Variants in SRSF11 observed in about 807,000 individuals in gnomAD.
SRSF11 encodes serine and arginine rich splicing factor 11.
Under a neutral mutation model 56.0 loss-of-function variants are expected in SRSF11, and 9 were observed. The ratio of observed to expected loss-of-function variants is 0.16; its 90% CI spans 0.10 to 0.28. The LOEUF (loss-of-function observed/expected upper bound fraction) is 0.28, where lower values mean the gene tolerates loss of function less well. Among genes scored for constraint, SRSF11 ranks in the 10% least tolerant of loss-of-function variants. The pLI, the probability that SRSF11 is intolerant of heterozygous loss-of-function variation, is 1.00. For missense variants in SRSF11, 421 were observed against 600.7 expected, an observed-to-expected ratio of 0.70 and a Z score of 3.13; for synonymous variants, 222 against 215.3, an observed-to-expected ratio of 1.03 and a Z score of -0.27.
intron 1 of SRSF11, among the ~76,000 whole-genome samples, chr1:70,210,798 T>G (rs1470723895): frequency 1.3e-5 from 2 of 152,184 alleles, no homozygotes; most frequent in African/African-American, 4.8e-5. Flanking sequence ...GGAAAAATTT[T>G]TTTCCCTCTT....
intron 9 of SRSF11, 155 bp from the exon 10 acceptor site, chr1:70,249,797 C>CA (rs1176539623): frequency 1.5e-6 from 1 of 685,288 alleles, no homozygotes; most frequent in Non-Finnish European, 2.5e-6. Flanking sequence ...TGGGCTCAAG[C>CA]AATCCCCTCA....
intron 1 of SRSF11, among the ~76,000 whole-genome samples, chr1:70,227,246 G>A (rs1380158417): frequency 6.6e-6 from 1 of 152,136 alleles, no homozygotes; most frequent in African/African-American, 2.4e-5. Flanking sequence ...ACAATTTTAT[G>A]TACACATTGG....
At chr1:70,213,285 A>G (rs777705514) in intron 1 of SRSF11, among the ~76,000 whole-genome samples, 5 of 152,212 alleles carry the variant, frequency 3.3e-5, no homozygotes, top group Non-Finnish European at 5.9e-5. Context: ...GTAGATGAGA[A>G]CACACATAGG....
chr1:70,247,570 A>G (rs997441250), intron 9 of SRSF11, among the ~76,000 whole-genome samples: 1 of 152,088 alleles, frequency 6.6e-6, no homozygotes, highest in Non-Finnish European at 1.5e-5. Context: ...GAAATGTATA[A>G]AAGACCTAAA....
At position 70,221,441 on chromosome 1, in the gene SRSF11, C is replaced by A; in HGVS notation, c.-196C>A. On this transcript the variant is annotated 5_prime_UTR_variant, in exon 1 of 12. Transcript: ENST00000370949. ...GTTTTCTCGTGGTCTCGAGCTCGCG[C>A]GCTCTCATCCCCTCCCCCGCGGCGT... 1 of 722,270 alleles carries A rather than the reference C, an allele frequency of 1.4e-6. No homozygotes were observed. Among genetic ancestry groups the A allele is most frequent in the Non-Finnish European group, 2.2e-6 (1 of 450,430 alleles). 44.7% of individuals were successfully genotyped at this position (722,270 alleles called of 1,614,324 possible).
chr1:70,250,886 A>T lies in SRSF11; in HGVS notation c.*81A>T. ...TGATTTCTTAATGCTGTATTTGTTCATCTCAAACCTAGATGTATACAGCTC... is the reference window on the plus strand; with the variant it reads ...TGATTTCTTAATGCTGTATTTGTTCTTCTCAAACCTAGATGTATACAGCTC... On this transcript the variant is annotated 3_prime_UTR_variant, in exon 12 of 12. Coordinates refer to ENST00000370949, the MANE Select transcript of SRSF11 (RefSeq NM_001350605.2). The T allele has an allele frequency of 7.9e-7, 1 of 1,258,024 alleles. No individual in the cohort carries two copies. The highest frequency in any genetic ancestry group is 1.1e-6 in the Non-Finnish European group (1 of 870,344). The allele number at this position is 1,258,024 out of a possible 1,614,324, so 77.9% of individuals were successfully genotyped here.
At chr1:70,243,360 AAAAAAAAAAAAAAC>A (rs1675973089) in intron 7 of SRSF11, among the ~76,000 whole-genome samples, 2 of 141,258 alleles carry the variant, frequency 1.4e-5, no homozygotes, top group South Asian at 2.2e-4. Context: ...AAAAAAAAAA[AAAAAAAAAAAAAAC>A]ACAGTGTGTA....
intron 1 of SRSF11, among the ~76,000 whole-genome samples, chr1:70,227,683 ATCTG>A (rs1476631044): frequency 6.6e-5 from 10 of 152,150 alleles, no homozygotes; most frequent in Non-Finnish European, 1.5e-4. Context: ...TTCCTGTGTT[ATCTG>A]TCTTACTTAC....
intron 1 of SRSF11, among the ~76,000 whole-genome samples, chr1:70,206,307 CTG>C (rs987225282): frequency 3.8e-4 from 58 of 152,254 alleles, no homozygotes; most frequent in African/African-American, 1.4e-3. Flanking sequence ...ACTTTAGAAA[CTG>C]TTAACTTTAG....
intron 1 of SRSF11, among the ~76,000 whole-genome samples, chr1:70,209,878 C>A (rs71651444): frequency 1.4e-5 from 2 of 147,674 alleles, no homozygotes; most frequent in Non-Finnish European, 3.0e-5. Flanking sequence ...GAATTACAGG[C>A]ATGAGCCACG....
At position 70,221,541 on chromosome 1, in the gene SRSF11, T is replaced by C; in HGVS notation, c.-96T>C. On this transcript the variant is annotated 5_prime_UTR_variant, in exon 1 of 12. Coordinates refer to ENST00000370949, the MANE Select transcript of SRSF11 (RefSeq NM_001350605.2). ...GCAGAGGCTGTAGCATCGGACACCCTCCTCTCTCCCGCAATCCGGTTCCTC... is the reference window on the plus strand; with the variant it reads ...GCAGAGGCTGTAGCATCGGACACCCCCCTCTCTCCCGCAATCCGGTTCCTC... The C allele has an allele frequency of 6.8e-6, 10 of 1,480,964 alleles. No individual in the cohort carries two copies. Among genetic ancestry groups the C allele is most frequent in the Non-Finnish European group, 9.1e-6 (10 of 1,102,286 alleles). 91.7% of individuals were successfully genotyped at this position (1,480,964 alleles called of 1,614,324 possible).
chr1:70,234,641 C>G (rs1673555120), intron 3 of SRSF11, 55 bp from the exon 4 acceptor site: 1 of 1,419,748 alleles, frequency 7.0e-7, no homozygotes, highest in African/African-American at 1.4e-5. Flanking sequence ...GTATTAACCC[C>G]TGGTATAAGG....
At chr1:70,230,741 C>A in intron 2 of SRSF11, 1 of 1,169,126 alleles carries the variant, frequency 8.6e-7, no homozygotes, top group Non-Finnish European at 1.1e-6. Flanking sequence ...TCAGGTGTCT[C>A]ACAATAAATT....
rs1298612143 is a variant in SRSF11 at position 70,250,411 on chromosome 1, G to T, written c.1165G>T (p.Asp389Tyr). The T allele has an allele frequency of 3.8e-6, 6 of 1,598,760 alleles. No individual in the cohort carries two copies. The highest frequency in any genetic ancestry group is 4.3e-6 in the Non-Finnish European group (5 of 1,166,312). Residue 389 changes from aspartate to tyrosine, a missense_variant, in exon 11 of 12, where the codon GAT becomes TAT. By Grantham distance (160) the Asp-to-Tyr change is radical. Around this residue, in one of 2 missense-constraint regions of SRSF11, gnomAD observed 253 missense variants for 305.8 expected, o/e 0.83. Coordinates refer to ENST00000370949, the MANE Select transcript of SRSF11 (RefSeq NM_001350605.2). ...KKDKDKERSR[D>Y]ERERSTSKKK... ...AGATAAAGACAAAGAAAGAAGTAGG[G>T]ATGAAAGAGAACGATCAACAAGCAA...
At chr1:70,226,785 T>C (rs888574579) in intron 1 of SRSF11, among the ~76,000 whole-genome samples, 3 of 152,204 alleles carry the variant, frequency 2.0e-5, no homozygotes, top group Non-Finnish European at 2.9e-5. Flanking sequence ...GCCCCATCTA[T>C]TGGGGAAGCT....
At chr1:70,223,398 C>T (rs1671071025) in intron 1 of SRSF11, among the ~76,000 whole-genome samples, 1 of 152,182 alleles carries the variant, frequency 6.6e-6, no homozygotes, top group African/African-American at 2.4e-5. Flanking sequence ...TTACCTAATG[C>T]ATGACCAGTA....
intron 1 of SRSF11, among the ~76,000 whole-genome samples, chr1:70,212,405 C>T (rs1465769220): frequency 6.6e-6 from 1 of 152,076 alleles, no homozygotes; most frequent in African/African-American, 2.4e-5. Context: ...TATAGGCACG[C>T]ACCACCACAC....
At chr1:70,238,379 A>G (rs1472425361) in intron 6 of SRSF11, among the ~76,000 whole-genome samples, 1 of 152,208 alleles carries the variant, frequency 6.6e-6, no homozygotes, top group East Asian at 1.9e-4. Context: ...TGATGTTTTT[A>G]CCAATATTTT....
Position 70,244,690 on chromosome 1 carries a change from A to G in SRSF11, c.807A>G (p.Ser269=), listed in dbSNP as rs1437478516. ...RTPSSSRHRR[S]RSRSRRRSHS... is the part of the protein sequence containing the mutation. ...CTTCCTTTTACACTATTAGGCGGTC[A>G]AGAAGCAGATCGAGACGGCGGTCAC... Residue 269 remains serine, a synonymous_variant, in exon 8 of 12, where the codon TCA becomes TCG. Transcript: ENST00000370949. The G allele has an allele frequency of 1.2e-6, 2 of 1,614,132 alleles. No individual in the cohort carries two copies. Among genetic ancestry groups the G allele is most frequent in the Non-Finnish European group, 1.7e-6 (2 of 1,179,946 alleles).
Sources: gnomAD v4.1 joint callset for allele counts (sites outside exome capture counted in the v4.1 genomes callset) on GRCh38, gnomAD v4.1.1 for gene constraint, gnomAD v4.1.1 regional missense constraint, MANE v1.5 for transcripts, NCBI Gene and HGNC (gene_info 2026-07-23, HGNC 2026-07-21) for gene names.